Variants in DOP1B observed in about 807,000 individuals in gnomAD.
DOP1B encodes the protein DOP1 leucine zipper like protein B, also known as protein DOP1B.
A neutral mutation model predicts 233.5 loss-of-function variants in DOP1B; 174 were observed. That is an observed-to-expected ratio of 0.75 (90% CI 0.66 to 0.85). The LOEUF is 0.85. Among genes scored for constraint, DOP1B ranks in the 40% least tolerant of loss-of-function variants. DOP1B has a pLI of 0.00. For synonymous variants in DOP1B, 1,190 were observed against 1,185.6 expected (o/e 1.00, Z -0.08); for missense variants, 2,652 against 2,846.6 (o/e 0.93, Z 1.56).
rs775416329 is a variant in DOP1B, at chr21:36,270,106, G to C, written c.5581G>C (p.Ala1861Pro). ...GCTAAGCAGAAACCTGGAAGTGAAGGCCCAACCTCAGGCCTCTCTAGAAGA... is the reference window on the plus strand; with the variant it reads ...GCTAAGCAGAAACCTGGAAGTGAAGCCCCAACCTCAGGCCTCTCTAGAAGA... ...SWLSRNLEVK[A>P]QPQASLEESD... is the part of the protein sequence containing the mutation. The change falls in exon 27 of 37, where the codon GCC (alanine) becomes CCC (proline). Residue 1861 changes from alanine (A) to proline (P), a missense_variant. Ala to Pro is a conservative substitution (Grantham distance 27). Around this residue, in one of 3 missense-constraint regions of DOP1B, gnomAD observed 2,617 missense variants for 2,794.3 expected, o/e 0.94. Coordinates refer to ENST00000691173, the MANE Select transcript of DOP1B (RefSeq NM_001320714.2). 91 of 1,613,998 alleles carry C rather than the reference G, an allele frequency of 5.6e-5. 1 individual carries two copies. In the South Asian group the frequency reaches 9.8e-4, roughly 17 times the overall value.
chr21:36,225,480 C>T, intron 11 of DOP1B, 85 bp from the exon 12 acceptor site: 1 of 1,467,772 alleles, frequency 6.8e-7, no homozygotes, highest in Non-Finnish European at 9.4e-7. Flanking sequence ...GTCCACCCAT[C>T]TCGGCCTCCC....
At chr21:36,203,457 A>G (rs943715428) in intron 4 of DOP1B, among the ~76,000 whole-genome samples, 1 of 152,306 alleles carries the variant, frequency 6.6e-6, no homozygotes. Flanking sequence ...AATCCCAGCT[A>G]TTTGGAAGAC....
At chr21:36,191,617 C>T (rs1195270819) in intron 2 of DOP1B, among the ~76,000 whole-genome samples, 1 of 152,168 alleles carries the variant, frequency 6.6e-6, no homozygotes, top group Non-Finnish European at 1.5e-5. Context: ...GAAACCTCGT[C>T]TCTACTAAAA....
intron 2 of DOP1B, among the ~76,000 whole-genome samples, chr21:36,166,432 G>A (rs1029404172): frequency 6.7e-6 from 1 of 150,168 alleles, no homozygotes; most frequent in East Asian, 2.0e-4. Flanking sequence ...GCAAGACTCC[G>A]TCTCAAAAAA....
chr21:36,227,379 C>T (rs1033409550), intron 12 of DOP1B, among the ~76,000 whole-genome samples: 2 of 151,530 alleles, frequency 1.3e-5, no homozygotes, highest in African/African-American at 4.9e-5. Context: ...AACCCCATCT[C>T]TACTAAACAT....
intron 2 of DOP1B, among the ~76,000 whole-genome samples, chr21:36,179,583 A>G (rs2066071822): frequency 6.6e-6 from 1 of 152,172 alleles, no homozygotes; most frequent in African/African-American, 2.4e-5. Flanking sequence ...CTGGTAGGGG[A>G]GTAGTTGTGA....
chr21:36,259,015 G>A (rs1173923106), intron 23 of DOP1B, among the ~76,000 whole-genome samples: 5 of 131,340 alleles, frequency 3.8e-5, no homozygotes, highest in African/African-American at 1.5e-4. Context: ...TTGCTCTGTC[G>A]CCCAGGCTGG....
intron 23 of DOP1B, among the ~76,000 whole-genome samples, chr21:36,256,242 A>C (rs928344189): frequency 6.6e-6 from 1 of 152,080 alleles, no homozygotes; most frequent in Non-Finnish European, 1.5e-5. Context: ...GGAGTTCGAG[A>C]CCAGCCTGGG....
At chr21:36,232,218 T>G (rs2066775621) in intron 14 of DOP1B, among the ~76,000 whole-genome samples, 1 of 151,714 alleles carries the variant, frequency 6.6e-6, no homozygotes, top group South Asian at 2.1e-4. Flanking sequence ...CCTGGCCTCA[T>G]ATGATCTGCC....
chr21:36,204,207 C>G (rs187047252), intron 4 of DOP1B, among the ~76,000 whole-genome samples: 341 of 152,302 alleles, frequency 2.2e-3, no homozygotes, highest in African/African-American at 7.7e-3. Flanking sequence ...ACAATGCACA[C>G]AGGTGCCCCG....
chr21:36,216,715 A>G (rs1165869226), intron 9 of DOP1B, among the ~76,000 whole-genome samples: 1 of 152,190 alleles, frequency 6.6e-6, no homozygotes, highest in African/African-American at 2.4e-5. Context: ...TAGGATTGCA[A>G]GCCTAAGAAT....
At chr21:36,206,075 AGAT>A (rs1638912640) in intron 4 of DOP1B, among the ~76,000 whole-genome samples, 1 of 151,870 alleles carries the variant, frequency 6.6e-6, no homozygotes, top group Non-Finnish European at 1.5e-5. Context: ...TTAACAACCG[AGAT>A]GATCATAGTA....
chr21:36,286,900 G>A (rs2067490964), intron 32 of DOP1B, among the ~76,000 whole-genome samples: 1 of 151,772 alleles, frequency 6.6e-6, no homozygotes. Flanking sequence ...GGAGGCGGAG[G>A]TTGTAGTGAG....
intron 27 of DOP1B, among the ~76,000 whole-genome samples, chr21:36,275,839 G>A (rs902931710): frequency 1.3e-5 from 2 of 152,102 alleles, no homozygotes; most frequent in Non-Finnish European, 2.9e-5. Context: ...GAGTCCTTCC[G>A]AGGGAAAGAA....
intron 2 of DOP1B, among the ~76,000 whole-genome samples, chr21:36,198,629 C>T (rs776997037): frequency 2.0e-5 from 3 of 152,184 alleles, no homozygotes; most frequent in Non-Finnish European, 2.9e-5. Context: ...TAGCTTGGGA[C>T]TACCATTGCT....
At chr21:36,194,122 C>T (rs2123459193) in intron 2 of DOP1B, among the ~76,000 whole-genome samples, 1 of 152,266 alleles carries the variant, frequency 6.6e-6, no homozygotes, top group South Asian at 2.1e-4. Context: ...CAGTAATAGC[C>T]TCAGTTTTGT....
chr21:36,172,921 C>T (rs1290755013), intron 2 of DOP1B, among the ~76,000 whole-genome samples: 1 of 152,024 alleles, frequency 6.6e-6, no homozygotes, highest in African/African-American at 2.4e-5. Context: ...GAGTTTGAGT[C>T]CAGCCTGGCC....
intron 23 of DOP1B, among the ~76,000 whole-genome samples, chr21:36,257,881 A>G (rs559119543): frequency 6.6e-6 from 1 of 151,754 alleles, no homozygotes; most frequent in South Asian, 2.1e-4. Flanking sequence ...AGGTAGATGT[A>G]GTTAGGTAGG....
chr21:36,289,006 G>T, intron 34 of DOP1B, 39 bp from the exon 35 acceptor site: 1 of 1,605,394 alleles, frequency 6.2e-7, no homozygotes, highest in South Asian at 1.1e-5. Context: ...TAACAGATCT[G>T]AATGAATTTA....
Sources: allele counts gnomAD v4.1 joint callset (sites outside exome capture counted in the v4.1 genomes callset), GRCh38; gene constraint gnomAD v4.1.1; regional missense constraint gnomAD v4.1.1; transcripts MANE v1.5; gene names NCBI Gene and HGNC (gene_info 2026-07-23, HGNC 2026-07-21).